The following DMD variants were observed in gnomAD, a reference collection of about 807,000 sequenced individuals.
The protein encoded by DMD is mutant dystrophin.
A neutral mutation model predicts 330.1 loss-of-function variants in DMD; 63 were observed. The observed-to-expected ratio is 0.19, with a 90% CI of 0.16 to 0.24. DMD has a LOEUF of 0.24. Among genes scored for constraint, DMD ranks in the 10% least tolerant of loss-of-function variants. DMD has a pLI of 1.00. For missense variants in DMD, 3,344 were observed against 2,684.1 expected (o/e 1.25, Z -5.43); for synonymous variants, 1,223 against 959.8 (o/e 1.27, Z -5.07).
In DMD at chrX:31,203,884, C is replaced by CG. The variant is rs747709178; in HGVS notation, c.9807+76dup. The stretch of plus-strand genomic sequence containing the variant: ...CTACTGAAGAGCTAATATGAGAAAA[C>CG]GAAGCTCTGTGGGTTTTTTAATTAA... On this transcript the variant is annotated intron_variant, in intron 67 of 78. Coordinates refer to ENST00000357033, the MANE Select transcript of DMD (RefSeq NM_004006.3). 4.7e-5 allele frequency: 45 copies of CG among 963,023 alleles called. No individual in the cohort carries two copies. In the East Asian group the frequency reaches 1.4e-3, roughly 30 times the overall value. 79.4% of individuals were successfully genotyped at this position (963,023 alleles called of 1,213,427 possible).
rs1454929812 is a variant in DMD, at chrX:32,644,301, C to A, written c.1162G>T (p.Asp388Tyr). Residue 388 changes from aspartate (D) to tyrosine (Y), a missense_variant, in exon 11 of 79, where the codon GAT becomes TAT. Transcript: ENST00000357033. ...ACCCGGCCCTGATGGGCTGTCAAAT[C>A]CATCATGTACCCCTGACAAAGAAGG... ...QFHTHEGYMM[D>Y]LTAHQGRVGN... The A allele has an allele frequency of 4.1e-6, 5 of 1,210,387 alleles. No individual in the cohort carries two copies. Among genetic ancestry groups the A allele is most frequent in the Non-Finnish European group, 5.6e-6 (5 of 894,724 alleles).
chrX:32,634,639 C>G (rs2058969547), intron 11 of DMD, among the ~76,000 whole-genome samples: 1 of 111,906 alleles, frequency 8.9e-6, no homozygotes, highest in Admixed American at 9.5e-5. Context: ...TATCTGTGAG[C>G]TAGGGCCTGG....
chrX:32,649,568 AAAAAAAAAAAAAAAAG>A (rs2060009376), intron 9 of DMD, among the ~76,000 whole-genome samples: 2 of 105,952 alleles, frequency 1.9e-5, no homozygotes, highest in Admixed American at 1.0e-4. Context: ...TTAAAAAAAA[AAAAAAAAAAAAAAAAG>A]GTGAAAGAGC....
intron 60 of DMD, among the ~76,000 whole-genome samples, chrX:31,366,154 C>T (rs1432523704): frequency 3.6e-5 from 4 of 111,171 alleles, no homozygotes; most frequent in Non-Finnish European, 5.7e-5. Context: ...TTTGTATGAC[C>T]AAAAGGCATT....
intron 49 of DMD, among the ~76,000 whole-genome samples, chrX:31,828,394 G>A (rs996763584): frequency 3.6e-5 from 4 of 110,950 alleles, no homozygotes; most frequent in African/African-American, 9.8e-5. Context: ...GGCTGGGCGC[G>A]GTGGCTCACG....
intron 50 of DMD, among the ~76,000 whole-genome samples, chrX:31,791,555 T>A (rs763931992): frequency 1.8e-5 from 2 of 111,913 alleles, no homozygotes; most frequent in East Asian, 5.6e-4. Flanking sequence ...TATGACCATA[T>A]CCAATACCTG....
intron 7 of DMD, among the ~76,000 whole-genome samples, chrX:32,803,857 G>C (rs1321574551): frequency 3.6e-5 from 4 of 111,967 alleles, no homozygotes; most frequent in African/African-American, 1.3e-4. Context: ...ATTTGCTGAG[G>C]AGTATTTTAC....
chrX:33,279,973 T>TATCAAGTTCTTGATATCTAGATATAG, intron 1 of DMD, among the ~76,000 whole-genome samples: 1 of 107,135 alleles, frequency 9.3e-6, no homozygotes. Context: ...TCTAGATATA[T>TATCAAGTTCTTGATATCTAGATATAG]GGTTTGCCAA....
At chrX:32,276,913 C>T (rs975151855) in intron 43 of DMD, among the ~76,000 whole-genome samples, 1 of 107,745 alleles carries the variant, frequency 9.3e-6, no homozygotes, top group African/African-American at 3.4e-5. Flanking sequence ...GAGTGAGATG[C>T]TGTCTCAAGA....
intron 2 of DMD, among the ~76,000 whole-genome samples, chrX:32,858,070 T>A (rs142246154): frequency 0.018 from 1,982 of 110,678 alleles, 25 homozygotes; most frequent in East Asian, 0.05. Flanking sequence ...GAGTCAATGA[T>A]ATATTAAAGT....
chrX:31,234,043 C>G (rs2047478942), intron 63 of DMD, among the ~76,000 whole-genome samples: 1 of 112,138 alleles, frequency 8.9e-6, no homozygotes, highest in Admixed American at 9.4e-5. Context: ...GACTCACATT[C>G]TCATAGAACA....
intron 61 of DMD, among the ~76,000 whole-genome samples, chrX:31,337,833 C>T (rs771331500): frequency 4.5e-5 from 5 of 112,069 alleles, no homozygotes; most frequent in Non-Finnish European, 7.5e-5. Flanking sequence ...ACATTTGTCT[C>T]ATCTCTTCCA....
chrX:32,187,864 T>G (rs2096954650), intron 44 of DMD, among the ~76,000 whole-genome samples: 1 of 111,322 alleles, frequency 9.0e-6, no homozygotes, highest in African/African-American at 3.2e-5. Flanking sequence ...ACACGGTATT[T>G]AAATCCAAGT....
intron 76 of DMD, among the ~76,000 whole-genome samples, chrX:31,136,081 A>T (rs774332151): frequency 9.0e-5 from 10 of 110,526 alleles, no homozygotes; most frequent in East Asian, 5.7e-4. Flanking sequence ...GGTGGATGTG[A>T]GGCTTCATAT....
chrX:31,861,675 T>TATAC (rs1556950158), intron 48 of DMD, among the ~76,000 whole-genome samples: 1 of 91,412 alleles, frequency 1.1e-5, no homozygotes, highest in Non-Finnish European at 2.1e-5. Flanking sequence ...TGTATATATA[T>TATAC]ACACACACAC....
At chrX:32,396,326 T>A (rs767116355) in intron 30 of DMD, among the ~76,000 whole-genome samples, 1 of 111,504 alleles carries the variant, frequency 9.0e-6, no homozygotes, top group Non-Finnish European at 1.9e-5. Flanking sequence ...ATTATTAACA[T>A]TGAAAAAAAT....
intron 41 of DMD, among the ~76,000 whole-genome samples, chrX:32,338,642 T>A: frequency 8.9e-6 from 1 of 111,826 alleles, no homozygotes; most frequent in African/African-American, 3.2e-5. Context: ...TTGCTTATAA[T>A]TTTTTTCCAC....
chrX:31,720,941 T>G (rs2085423619), intron 52 of DMD, among the ~76,000 whole-genome samples: 1 of 111,750 alleles, frequency 8.9e-6, no homozygotes, highest in Non-Finnish European at 1.9e-5. Context: ...ATGAAATACA[T>G]TTATGAAAAA....
chrX:31,832,666 A>G (rs954562088), intron 49 of DMD, among the ~76,000 whole-genome samples: 3 of 112,525 alleles, frequency 2.7e-5, no homozygotes, highest in Non-Finnish European at 5.6e-5. Context: ...AGCAGTAAGT[A>G]AAACATATTA....
Sources: allele counts gnomAD v4.1 joint callset (sites outside exome capture counted in the v4.1 genomes callset), GRCh38; gene constraint gnomAD v4.1.1; transcripts MANE v1.5; gene names NCBI Gene and HGNC (gene_info 2026-07-23, HGNC 2026-07-21).